LSAMP: variants seen among roughly 807,000 people sequenced by gnomAD.
LSAMP encodes limbic system-associated membrane protein.
A neutral mutation model predicts 38.6 loss-of-function variants in LSAMP; 7 were observed. The ratio of observed to expected loss-of-function variants is 0.18; its 90% confidence interval spans 0.10 to 0.34. The LOEUF is 0.34. LSAMP is among the 10% of genes least tolerant of loss of function. The pLI is 1.00. For synonymous variants in LSAMP, 154 were observed against 166.8 expected (o/e 0.92, Z 0.59); for missense variants, 313 against 420.0 (o/e 0.75, Z 2.23).
At chr3:116,072,558 C>T (rs1285095537) in intron 2 of LSAMP, among the ~76,000 whole-genome samples, 3 of 152,156 alleles carry the variant, frequency 2.0e-5, no homozygotes, top group Non-Finnish European at 2.9e-5. Flanking sequence ...TCCCTAGCAT[C>T]TGTTAAGTTT....
chr3:116,185,693 T>C (rs1468186451), intron 1 of LSAMP, among the ~76,000 whole-genome samples: 3 of 152,066 alleles, frequency 2.0e-5, no homozygotes, highest in Non-Finnish European at 2.9e-5. Flanking sequence ...ATGTTGAATA[T>C]AGTGCAGTGC....
intron 1 of LSAMP, among the ~76,000 whole-genome samples, chr3:116,409,387 G>A (rs2048942026): frequency 1.3e-5 from 2 of 151,978 alleles, no homozygotes; most frequent in Non-Finnish European, 1.5e-5. Flanking sequence ...AAGCTGCTTT[G>A]CATGATGGGA....
At chr3:116,193,536 C>A (rs1039258921) in intron 1 of LSAMP, among the ~76,000 whole-genome samples, 2 of 151,954 alleles carry the variant, frequency 1.3e-5, no homozygotes, top group Non-Finnish European at 2.9e-5. Context: ...GTAAAAACAG[C>A]AACAACAACA....
chr3:116,195,644 G>C (rs1710864353), intron 1 of LSAMP, among the ~76,000 whole-genome samples: 1 of 148,648 alleles, frequency 6.7e-6, no homozygotes, highest in Non-Finnish European at 1.5e-5. Context: ...TTTTGGTAAA[G>C]ATGGAAGCCC....
intron 1 of LSAMP, among the ~76,000 whole-genome samples, chr3:116,107,006 TTATAC>T (rs1708483288): frequency 6.6e-6 from 1 of 152,182 alleles, no homozygotes; most frequent in African/African-American, 2.4e-5. Context: ...GGCTAGTGGC[TTATAC>T]TATAGCATAG....
At chr3:115,844,968 C>A (rs1327687296) in intron 4 of LSAMP, among the ~76,000 whole-genome samples, 2 of 152,090 alleles carry the variant, frequency 1.3e-5, no homozygotes, top group African/African-American at 4.8e-5. Context: ...CACAGCAAGA[C>A]CCTGTCTCAA....
chr3:115,973,847 T>C (rs933014078), intron 3 of LSAMP, among the ~76,000 whole-genome samples: 2 of 152,198 alleles, frequency 1.3e-5, no homozygotes, highest in Admixed American at 6.5e-5. Context: ...TGTTAAGTAC[T>C]TGTGTGTGAA....
chr3:115,850,228 C>G (rs139283477), intron 4 of LSAMP, among the ~76,000 whole-genome samples: 1 of 152,266 alleles, frequency 6.6e-6, no homozygotes, highest in Non-Finnish European at 1.5e-5. Flanking sequence ...CAATGTCAGA[C>G]TAATTGCACT....
Position 115,997,441 on chromosome 3 carries a change from A to G in LSAMP, c.514+22074T>C, listed in dbSNP as rs369246925. ...AACAGCACAATGGGAAAAGAGTAGCATAAGGGGTGTGTGTGAGCTAAGGTG... is the reference window on the plus strand; with the variant it reads ...AACAGCACAATGGGAAAAGAGTAGCGTAAGGGGTGTGTGTGAGCTAAGGTG... On this transcript the variant is annotated intron_variant, in intron 3 of 6. Transcript: ENST00000490035. 8.4e-4 allele frequency among the ~76,000 whole-genome samples: 128 copies of G among 152,034 alleles called. 2 individuals are homozygous for G. Among genetic ancestry groups the G allele is most frequent in the African/African-American group, 3.0e-3 (126 of 41,486 alleles).
intron 1 of LSAMP, among the ~76,000 whole-genome samples, chr3:116,330,782 A>G (rs556945715): frequency 2.6e-5 from 4 of 152,170 alleles, no homozygotes; most frequent in Non-Finnish European, 4.4e-5. Flanking sequence ...AAACAAAAAC[A>G]TCAAACTAAG....
intron 2 of LSAMP, among the ~76,000 whole-genome samples, chr3:116,063,427 A>G (rs1941630285): frequency 6.6e-6 from 1 of 152,184 alleles, no homozygotes; most frequent in Non-Finnish European, 1.5e-5. Context: ...AATTTATATT[A>G]TGATTCCAAG....
At chr3:116,388,710 C>A (rs991767729) in intron 1 of LSAMP, among the ~76,000 whole-genome samples, 1 of 152,112 alleles carries the variant, frequency 6.6e-6, no homozygotes, top group Non-Finnish European at 1.5e-5. Context: ...CTGAAATATC[C>A]AAAATGTTCA....
intron 1 of LSAMP, among the ~76,000 whole-genome samples, chr3:116,395,439 A>G (rs2048756262): frequency 6.6e-6 from 1 of 152,214 alleles, no homozygotes. Context: ...ATAATTCACA[A>G]TTTAAGGGCT....
At chr3:116,245,834 G>T (rs943942928) in intron 1 of LSAMP, among the ~76,000 whole-genome samples, 7 of 152,036 alleles carry the variant, frequency 4.6e-5, no homozygotes, top group Non-Finnish European at 7.4e-5. Flanking sequence ...AGAAAAATGG[G>T]ATGTACTTCA....
chr3:115,902,298 T>C (rs961196452), intron 3 of LSAMP, among the ~76,000 whole-genome samples: 1 of 152,058 alleles, frequency 6.6e-6, no homozygotes, highest in African/African-American at 2.4e-5. Context: ...AGTGCCCATG[T>C]ATTGGAAAAG....
At chr3:115,963,192 C>G (rs1938686813) in intron 3 of LSAMP, among the ~76,000 whole-genome samples, 1 of 152,138 alleles carries the variant, frequency 6.6e-6, no homozygotes, top group African/African-American at 2.4e-5. Flanking sequence ...ATAAGTACAA[C>G]TACTAAATAA....
Position 116,220,350 on chromosome 3 carries a change from GACACACACACAC to G in LSAMP, c.156-133806_156-133795del, listed in dbSNP as rs10575234. Among the ~76,000 whole-genome samples, 95 of 138,586 alleles carry G rather than the reference GACACACACACAC, an allele frequency of 6.9e-4. 1 individual carries two copies. Among genetic ancestry groups the G allele is most frequent in the South Asian group, 1.7e-3 (7 of 4,148 alleles). The allele number at this position is 138,586 out of a possible 152,430, so 90.9% of individuals were successfully genotyped here. A position where few individuals can be genotyped will look rare whatever the true frequency, so the allele number is the denominator to read the frequency against. Reference sequence around the variant, plus strand: ...CCATTTTGCCTTGTCATTTGCATATGACACACACACACACACACACACACACACACACACACA... The same window carrying G: ...CCATTTTGCCTTGTCATTTGCATATGACACACACACACACACACACACACA... On this transcript the variant is annotated intron_variant, in intron 1 of 6. Coordinates refer to ENST00000490035, the MANE Select transcript of LSAMP (RefSeq NM_002338.5).
Position 115,807,764 on chromosome 3 carries a change from T to C in LSAMP, c.*2553A>G, listed in dbSNP as rs1306873210. ...TATTAAAGATGATACCCTTTATTCTTGAACTAAGAAGACCAAACTGTTAAG... is the reference window on the plus strand; with the variant it reads ...TATTAAAGATGATACCCTTTATTCTCGAACTAAGAAGACCAAACTGTTAAG... On this transcript the variant is annotated 3_prime_UTR_variant, in exon 7 of 7. Transcript: ENST00000490035. The C allele has an allele frequency of 6.6e-6, 1 of 152,106 alleles. No homozygotes were observed. The highest frequency in any genetic ancestry group is 1.5e-5 in the Non-Finnish European group (1 of 68,018). 9.4% of individuals were successfully genotyped at this position (152,106 alleles called of 1,614,324 possible).
intron 1 of LSAMP, among the ~76,000 whole-genome samples, chr3:116,325,338 C>T (rs905403449): frequency 6.6e-6 from 1 of 152,024 alleles, no homozygotes; most frequent in African/African-American, 2.4e-5. Flanking sequence ...GAATCGCTAC[C>T]TCTTTCTTAG....
Sources: gnomAD v4.1 joint callset for allele counts (sites outside exome capture counted in the v4.1 genomes callset) on GRCh38, gnomAD v4.1.1 for gene constraint, MANE v1.5 for transcripts, NCBI Gene and HGNC (gene_info 2026-07-23, HGNC 2026-07-21) for gene names.